Variants in EPS8L2 observed in about 807,000 individuals in gnomAD.
EPS8L2 encodes epidermal growth factor receptor kinase substrate 8-like protein 2.
EPS8L2 carries 81 observed loss-of-function variants against 99.4 expected under a neutral mutation model. That is an observed-to-expected ratio of 0.82 (90% CI 0.68 to 0.98). The LOEUF (loss-of-function observed/expected upper bound fraction) is 0.98, where lower values mean the gene tolerates loss of function less well. Among genes scored for constraint, EPS8L2 ranks in the 50% least tolerant of loss-of-function variants. The pLI is 0.00. For missense variants in EPS8L2, 1,155 were observed against 968.8 expected, an observed-to-expected ratio of 1.19 and a Z score of -2.55; for synonymous variants, 509 against 407.3, an observed-to-expected ratio of 1.25 and a Z score of -3.01.
chr11:719,865 GAC>G (rs975528446), intron 4 of EPS8L2, among the ~76,000 whole-genome samples, 195 bp from the exon 5 acceptor site: 1 of 152,132 alleles, frequency 6.6e-6, no homozygotes, highest in African/African-American at 2.4e-5. Flanking sequence ...ATAGTTTCAG[GAC>G]ACAAGCATGG....
At chr11:721,816 C>G (rs1343644579) in intron 10 of EPS8L2, 87 bp from the exon 11 acceptor site, 2 of 1,518,854 alleles carry the variant, frequency 1.3e-6, no homozygotes, top group Admixed American at 1.9e-5. Flanking sequence ...GAAGGTCCAG[C>G]CCACACAGAT....
Position 718,017 on chromosome 11 carries a change from G to GA in EPS8L2, c.166-2035dup, listed in dbSNP as rs1399775955. Among the ~76,000 whole-genome samples the GA allele has an allele frequency of 2.9e-3, 409 of 139,284 alleles. 1 individual carries two copies. In the Middle Eastern group the frequency reaches 0.03, roughly 10 times the overall value. 91.4% of individuals were successfully genotyped at this position (139,284 alleles called of 152,430 possible). ...GAGTGAGACTCCGTTTCAAAAAAAA[G>GA]AAAAAAAAAATTGTTAACCAAAAAC... On this transcript the variant is annotated intron_variant, in intron 4 of 20. Transcript: ENST00000318562.
intron 14 of EPS8L2, 21 bp downstream of exon 14, chr11:722,826 C>T (rs1320646404): frequency 6.6e-6 from 10 of 1,507,650 alleles, no homozygotes; most frequent in Non-Finnish European, 8.9e-6. Context: ...CAGCAGCCCC[C>T]ATCCCTACCC....
chr11:721,249 G>C, intron 8 of EPS8L2, 36 bp from the exon 9 acceptor site: 1 of 1,537,890 alleles, frequency 6.5e-7, no homozygotes, highest in Admixed American at 2.0e-5. Flanking sequence ...GCTCGTTGTG[G>C]GGGGCTCGGT....
At position 724,490 on chromosome 11, in the gene EPS8L2, T is replaced by C. The variant is rs548318369; in HGVS notation, c.1455-234T>C. The C allele has an allele frequency of 3.6e-6, 2 of 555,810 alleles. No homozygotes were observed. Among genetic ancestry groups the C allele is most frequent in the African/African-American group, 1.9e-5 (1 of 52,748 alleles). The allele number at this position is 555,810 out of a possible 1,614,324, so 34.4% of individuals were successfully genotyped here. On this transcript the variant is annotated intron_variant, in intron 15 of 20. Coordinates refer to ENST00000318562, the MANE Select transcript of EPS8L2 (RefSeq NM_022772.4). This position sits in a 1 kb window ranked among gnomAD's most constrained non-coding sequence, Gnocchi z 5.5. ...CCAGCCTTGCTGTACCACAGGCCCC[T>C]GCGCCACGCCCACCTCCTGCCTGCC...
chr11:715,174 G>A (rs574998693), intron 4 of EPS8L2, among the ~76,000 whole-genome samples: 8 of 152,140 alleles, frequency 5.3e-5, no homozygotes, highest in South Asian at 4.2e-4. Context: ...CCCCGGAGGC[G>A]GAGCTTGCAG....
chr11:721,725 G>A (rs747282345), intron 10 of EPS8L2, 34 bp downstream of exon 10: 1 of 1,280,952 alleles, frequency 7.8e-7, no homozygotes. Context: ...GGCAGGTGCA[G>A]GGGACGGGGC....
In EPS8L2 at chr11:721,224, AG is replaced by A. The variant is rs1329680394; in HGVS notation, c.700+23del. 5.2e-6 allele frequency: 8 copies of A among 1,532,304 alleles called. No homozygotes were observed. The highest frequency in any genetic ancestry group is 2.4e-5 in the South Asian group (2 of 83,656). 94.9% of individuals were successfully genotyped at this position (1,532,304 alleles called of 1,614,324 possible). On this transcript the variant is annotated intron_variant, in intron 8 of 20. Coordinates refer to ENST00000318562, the MANE Select transcript of EPS8L2 (RefSeq NM_022772.4). ...CGAGCCAGGTGGGCCGAGGGGCTGG[AG>A]GGGGCTCCACAGGGCTCGTTGTGGG...
At chr11:719,878 C>T (rs1433057644) in intron 4 of EPS8L2, among the ~76,000 whole-genome samples, 184 bp from the exon 5 acceptor site, 1 of 152,254 alleles carries the variant, frequency 6.6e-6, no homozygotes, top group Admixed American at 6.5e-5. Flanking sequence ...ACAAGCATGG[C>T]CCCTACAGAT....
chr11:713,127 G>A (rs1590048333), intron 4 of EPS8L2, among the ~76,000 whole-genome samples: 1 of 152,248 alleles, frequency 6.6e-6, no homozygotes, highest in South Asian at 2.1e-4. Context: ...GTGAGAGTCT[G>A]GTGGGAAGTC....
intron 15 of EPS8L2, 35 bp downstream of exon 15, chr11:723,388 G>A: frequency 9.9e-7 from 1 of 1,008,300 alleles, no homozygotes; most frequent in Admixed American, 2.6e-5. Context: ...GCATGAAAGT[G>A]AAACCCTTCA....
At chr11:714,561 A>G (rs1214972691) in intron 4 of EPS8L2, among the ~76,000 whole-genome samples, 1 of 150,216 alleles carries the variant, frequency 6.7e-6, no homozygotes, top group East Asian at 1.9e-4. Context: ...GATGCTTCCC[A>G]GTGTAGGCTT....
chr11:724,891 T>TA lies in EPS8L2; in HGVS notation c.1560+63dup. 1 of 1,300,992 alleles carries TA rather than the reference T, an allele frequency of 7.7e-7. No homozygotes were observed. The highest frequency in any genetic ancestry group is 1.1e-6 in the Non-Finnish European group (1 of 903,394). The allele number at this position is 1,300,992 out of a possible 1,614,324, so 80.6% of individuals were successfully genotyped here. ...CAGGGCAGGGCTTCAAGGGAGGGGC[T>TA]ACCAGGGGAGGTGGGGAGCGGTCTA... On this transcript the variant is annotated intron_variant, in intron 16 of 20. Coordinates refer to ENST00000318562, the MANE Select transcript of EPS8L2 (RefSeq NM_022772.4). The surrounding 1 kb of genome is among the most constrained non-coding windows in gnomAD (Gnocchi z 5.5).
intron 4 of EPS8L2, among the ~76,000 whole-genome samples, chr11:716,192 A>C (rs2133514201): frequency 6.7e-6 from 1 of 148,552 alleles, no homozygotes; most frequent in East Asian, 2.0e-4. Flanking sequence ...TCTGTCACCC[A>C]GGCTGGAGTG....
rs570696750 is a variant in EPS8L2 at position 710,539 on chromosome 11, T to C, written c.165+53T>C. On this transcript the variant is annotated intron_variant, in intron 4 of 20. Coordinates refer to ENST00000318562, the MANE Select transcript of EPS8L2 (RefSeq NM_022772.4). ...GCCCCCAGGGAGCACCCTCAGGACA[T>C]GGCTGTCCTCAGGTTCTCGTCTCCA... 24 of 1,477,810 alleles carry C rather than the reference T, an allele frequency of 1.6e-5. No homozygotes were observed. In the African/African-American group the frequency reaches 3.3e-4, roughly 20 times the overall value. 91.5% of individuals were successfully genotyped at this position (1,477,810 alleles called of 1,614,324 possible). A position where few individuals can be genotyped will look rare whatever the true frequency, so the allele number is the denominator to read the frequency against.
intron 4 of EPS8L2, 24 bp from the exon 5 acceptor site, chr11:720,038 C>T (rs1382418332): frequency 1.2e-6 from 2 of 1,601,288 alleles, no homozygotes; most frequent in South Asian, 1.1e-5. Context: ...CTCTGCCCAG[C>T]AGTGACCACC....
chr11:721,198 G>C lies in EPS8L2; in HGVS notation c.692G>C (p.Ser231Thr), dbSNP rs563361645. 6.5e-7 allele frequency: 1 copy of C among 1,533,046 alleles called. No homozygotes were observed. Among genetic ancestry groups the C allele is most frequent in the African/African-American group, 1.4e-5 (1 of 72,834 alleles). The allele number at this position is 1,533,046 out of a possible 1,614,324, so 95.0% of individuals were successfully genotyped here. Residue 231 changes from serine to threonine, a missense_variant, in exon 8 of 21, where the codon AGC (serine) becomes ACC (threonine). Physicochemically the swap from Ser to Thr is moderately conservative, Grantham distance 58 (BLOSUM62 1). Transcript: ENST00000318562. ...KNRVGPQVPLSEPGFRRRESQ... is the reference protein window; with the variant it reads ...KNRVGPQVPLTEPGFRRRESQ... ...CGCGTGGGCCCGCAGGTGCCACTCA[G>C]CGAGCCAGGTGGGCCGAGGGGCTGG...
In EPS8L2 at chr11:720,883, C is replaced by T; in HGVS notation, c.531C>T (p.Gly177=). 3 of 1,378,574 alleles carry T rather than the reference C, an allele frequency of 2.2e-6. No individual in the cohort carries two copies. The highest frequency in any genetic ancestry group is 2.9e-6 in the Non-Finnish European group (3 of 1,045,488). 85.4% of individuals were successfully genotyped at this position (1,378,574 alleles called of 1,614,324 possible). A position where few individuals can be genotyped will look rare whatever the true frequency, so the allele number is the denominator to read the frequency against. Residue 177 remains glycine (G), a synonymous_variant, in exon 7 of 21, where the codon GGC becomes GGT. Transcript: ENST00000318562. ...IESALADCRL[G]KKMRPQTLKG... is the part of the protein sequence containing the mutation. ...GCGCGTTGGCCGACTGCCGGCTGGG[C>T]AAGAAGATGCGGCCGCAGACCCTGA...
chr11:719,645 C>T (rs570499594), intron 4 of EPS8L2, among the ~76,000 whole-genome samples: 9 of 152,334 alleles, frequency 5.9e-5, no homozygotes, highest in African/African-American at 1.9e-4. Context: ...TGCAGCGCGA[C>T]GTTGGGTCTG....
Sources: gnomAD v4.1 joint callset for allele counts (sites outside exome capture counted in the v4.1 genomes callset) on GRCh38, gnomAD v4.1.1 for gene constraint, Gnocchi (gnomAD v3.1) non-coding constraint, MANE v1.5 for transcripts, NCBI Gene and HGNC (gene_info 2026-07-23, HGNC 2026-07-21) for gene names.